Variants in NPAS3 observed in about 807,000 individuals in gnomAD.
The protein encoded by NPAS3 is neuronal PAS domain protein 3, also known as neuronal PAS domain-containing protein 3.
Under a neutral mutation model 73.1 loss-of-function variants are expected in NPAS3, and 14 were observed. The ratio of observed to expected loss-of-function variants is 0.19; its 90% confidence interval spans 0.13 to 0.30. The LOEUF (loss-of-function observed/expected upper bound fraction) is 0.30, where lower values mean the gene tolerates loss of function less well. NPAS3 is among the 10% of genes least tolerant of loss of function. NPAS3 has a pLI of 1.00. For missense variants in NPAS3, 1,096 were observed against 1,250.0 expected, an observed-to-expected ratio of 0.88 and a Z score of 1.86; for synonymous variants, 620 against 541.5, an observed-to-expected ratio of 1.14 and a Z score of -2.01.
At chr14:33,637,381 A>G (rs1038357247) in intron 5 of NPAS3, among the ~76,000 whole-genome samples, 1 of 152,240 alleles carries the variant, frequency 6.6e-6, no homozygotes, top group African/African-American at 2.4e-5. Context: ...TAGAAAGTAT[A>G]TATGAATTTT....
intron 7 of NPAS3, among the ~76,000 whole-genome samples, chr14:33,748,819 G>A (rs910839194): frequency 5.9e-5 from 9 of 152,128 alleles, no homozygotes; most frequent in South Asian, 2.1e-4. Context: ...GAGACATTCT[G>A]GGTAAAATGG....
At chr14:33,442,577 C>T (rs1390990906) in intron 4 of NPAS3, among the ~76,000 whole-genome samples, 1 of 152,194 alleles carries the variant, frequency 6.6e-6, no homozygotes, top group Non-Finnish European at 1.5e-5. Flanking sequence ...AGTAAGTTCT[C>T]ATGAGATCTG....
chr14:33,180,023 G>A (rs907987254), intron 2 of NPAS3, among the ~76,000 whole-genome samples: 2 of 152,188 alleles, frequency 1.3e-5, no homozygotes, highest in South Asian at 2.1e-4. Context: ...GTTTGCCCTC[G>A]GGTATATTTG....
At chr14:33,612,197 C>G (rs1192195104) in intron 5 of NPAS3, among the ~76,000 whole-genome samples, 3 of 152,130 alleles carry the variant, frequency 2.0e-5, no homozygotes, top group South Asian at 2.1e-4. Flanking sequence ...GGTCAGAAGG[C>G]CCCTGCCGGG....
intron 5 of NPAS3, among the ~76,000 whole-genome samples, chr14:33,579,693 A>G (rs934181957): frequency 6.6e-6 from 1 of 152,084 alleles, no homozygotes; most frequent in Non-Finnish European, 1.5e-5. Flanking sequence ...TCTACTTAAT[A>G]ATACTGTGAG....
chr14:33,197,237 CTGTGTGTGTGTGTG>C (rs11268151), intron 2 of NPAS3, among the ~76,000 whole-genome samples: 6 of 135,214 alleles, frequency 4.4e-5, no homozygotes, highest in Admixed American at 1.5e-4. Flanking sequence ...CTCCAGCAGG[CTGTGTGTGTGTGTG>C]TGTGTGTGTG....
At chr14:33,455,277 G>T (rs2049974329) in intron 4 of NPAS3, among the ~76,000 whole-genome samples, 1 of 152,144 alleles carries the variant, frequency 6.6e-6, no homozygotes, top group African/African-American at 2.4e-5. Flanking sequence ...AAATTTTGTT[G>T]TATTTCAGCT....
chr14:33,413,469 A>T (rs1326786732), intron 4 of NPAS3, among the ~76,000 whole-genome samples: 1 of 152,100 alleles, frequency 6.6e-6, no homozygotes, highest in Non-Finnish European at 1.5e-5. Context: ...TTTTGGAGAT[A>T]GATATTGATT....
chr14:33,622,491 C>T (rs953522391), intron 5 of NPAS3, among the ~76,000 whole-genome samples: 2 of 152,062 alleles, frequency 1.3e-5, no homozygotes, highest in African/African-American at 4.8e-5. Context: ...CCTGATGTTT[C>T]CCTCATGAGA....
At chr14:33,029,328 G>T (rs2039914316) in intron 1 of NPAS3, among the ~76,000 whole-genome samples, 2 of 152,174 alleles carry the variant, frequency 1.3e-5, no homozygotes, top group South Asian at 2.1e-4. Context: ...TTTAAAAATG[G>T]ATCAAAAAGT....
At chr14:33,315,953 T>C (rs922703997) in intron 3 of NPAS3, among the ~76,000 whole-genome samples, 2 of 152,076 alleles carry the variant, frequency 1.3e-5, no homozygotes, top group African/African-American at 4.8e-5. Flanking sequence ...TTGGTGACAG[T>C]GCCTGGTTTA....
At chr14:33,092,364 C>T (rs1406158222) in intron 2 of NPAS3, among the ~76,000 whole-genome samples, 1 of 152,180 alleles carries the variant, frequency 6.6e-6, no homozygotes, top group Non-Finnish European at 1.5e-5. Context: ...GACTCCCATT[C>T]ACAATTGCTT....
chr14:33,100,874 T>C (rs1358723189), intron 2 of NPAS3, among the ~76,000 whole-genome samples: 2 of 152,304 alleles, frequency 1.3e-5, no homozygotes, highest in South Asian at 2.1e-4. Context: ...AGAGGAAATA[T>C]GTTATGTTTG....
At chr14:33,145,948 G>T (rs564444210) in intron 2 of NPAS3, among the ~76,000 whole-genome samples, 1 of 152,124 alleles carries the variant, frequency 6.6e-6, no homozygotes, top group Non-Finnish European at 1.5e-5. Context: ...AAGAATGAAA[G>T]AGTGTGCCTG....
At chr14:32,978,091 A>G (rs555607726) in intron 1 of NPAS3, among the ~76,000 whole-genome samples, 25 of 149,074 alleles carry the variant, frequency 1.7e-4, no homozygotes, top group African/African-American at 6.3e-4. Flanking sequence ...ATTTCACTTT[A>G]CAAATGAGGA....
chr14:33,476,819 G>T lies in NPAS3; in HGVS notation c.469-83302G>T, dbSNP rs543792532. Reference sequence around the variant, plus strand: ...ATCATATATTGGTAGTTTGCCTGCTGTGCCTTTCTTTGTATTGCTTTAGTC... The same window carrying T: ...ATCATATATTGGTAGTTTGCCTGCTTTGCCTTTCTTTGTATTGCTTTAGTC... On this transcript the variant is annotated intron_variant, in intron 4 of 11. Coordinates refer to ENST00000356141, the Ensembl canonical transcript of NPAS3. 2.0e-4 allele frequency among the ~76,000 whole-genome samples: 31 copies of T among 152,226 alleles called. No individual in the cohort carries two copies. In the East Asian group the frequency reaches 2.5e-3, roughly 12 times the overall value.
At chr14:33,360,185 A>G (rs1411059564) in intron 3 of NPAS3, among the ~76,000 whole-genome samples, 1 of 152,236 alleles carries the variant, frequency 6.6e-6, no homozygotes, top group African/African-American at 2.4e-5. Context: ...ATTTGCCACC[A>G]TAGCCCTGAT....
chr14:33,342,224 T>C (rs1031581476), intron 3 of NPAS3, among the ~76,000 whole-genome samples: 1 of 152,202 alleles, frequency 6.6e-6, no homozygotes, highest in Non-Finnish European at 1.5e-5. Context: ...TGTGTTGAGG[T>C]GATCATAAGC....
intron 5 of NPAS3, among the ~76,000 whole-genome samples, chr14:33,569,520 A>G (rs1245202917): frequency 6.6e-6 from 1 of 152,104 alleles, no homozygotes; most frequent in Non-Finnish European, 1.5e-5. Context: ...AGCAAGCTTT[A>G]TATTAAGAAA....
Sources: gnomAD v4.1 joint callset for allele counts (sites outside exome capture counted in the v4.1 genomes callset) on GRCh38, gnomAD v4.1.1 for gene constraint, MANE v1.5 for transcripts, NCBI Gene and HGNC (gene_info 2026-07-23, HGNC 2026-07-21) for gene names.